PDIA2: variants seen among roughly 807,000 people sequenced by gnomAD.
PDIA2 encodes the protein protein disulfide-isomerase A2.
In PDIA2, 76 loss-of-function variants were observed where a neutral mutation model predicts 51.1. The observed-to-expected ratio is 1.49, with a 90% confidence interval of 1.24 to 1.80. The LOEUF is 1.80. Among genes scored for constraint, PDIA2 ranks in the 40% most tolerant of loss-of-function variants. The probability of loss-of-function intolerance (pLI) is 0.00; values close to 1 mark genes in which losing one functional copy is unlikely to be tolerated. For missense variants in PDIA2, 946 were observed against 706.5 expected (o/e 1.34, Z -3.84); for synonymous variants, 429 against 309.9 (o/e 1.38, Z -4.04).
Position 284,884 on chromosome 16 carries a change from C to G in PDIA2, c.547C>G (p.Gln183Glu). The change falls in exon 4 of 11, where the codon CAG becomes GAG. Residue 183 changes from glutamine (Q) to glutamate (E), a missense_variant. By Grantham distance (29) the Gln-to-Glu change is conservative. Transcript: ENST00000219406. ...LVVIGFFQDL[Q>E]DEDVATFLAL... ...ACAGGGCCAGGCCCCTCAGGACCTG[C>G]AGGACGAGGACGTGGCCACCTTCTT... The G allele has an allele frequency of 6.2e-7, 1 of 1,612,482 alleles. No homozygotes were observed. Among genetic ancestry groups the G allele is most frequent in the South Asian group, 1.1e-5 (1 of 91,060 alleles).
rs771532613 is a variant in PDIA2, at chr16:284,518, G to T, written c.331G>T (p.Glu111Ter). 6.8e-6 allele frequency: 11 copies of T among 1,612,406 alleles called. No homozygotes were observed. In the South Asian group the frequency reaches 8.8e-5, roughly 13 times the overall value. ...GCCCGCGCAGCGCGAGCTGGCTGAG[G>T]AGTTTGGTGTGACGGAGTACCCTAC... The part of the protein sequence containing the change: ...DGPAQRELAE[E>*]FGVTEYPTLK... Residue 111 changes from glutamate to a stop codon, truncating the protein, a stop_gained, in exon 2 of 11, where the codon GAG becomes TAG. Transcript: ENST00000219406. LOFTEE classifies it high-confidence loss of function.
Position 287,124 on chromosome 16 carries a change from G to A in PDIA2, c.*11G>A, listed in dbSNP as rs560575241. 18 of 1,612,734 alleles carry A rather than the reference G, an allele frequency of 1.1e-5. No individual in the cohort carries two copies. The African/African-American group carries it at 1.2e-4, about 11-fold the overall frequency. Reference sequence around the variant, plus strand: ...AAGGAGGAACTGTAGCTGCCCCCGTGTCACCCCCGCCATCACTGCTGGACA... The same window carrying A: ...AAGGAGGAACTGTAGCTGCCCCCGTATCACCCCCGCCATCACTGCTGGACA... On this transcript the variant is annotated 3_prime_UTR_variant, in exon 11 of 11. Transcript: ENST00000219406.
At position 284,950 on chromosome 16, in the gene PDIA2, A is replaced by C; in HGVS notation, c.613A>C (p.Thr205Pro). The C allele has an allele frequency of 6.2e-7, 1 of 1,613,364 alleles. No individual in the cohort carries two copies. Among genetic ancestry groups the C allele is most frequent in the South Asian group, 1.1e-5 (1 of 91,090 alleles). Residue 205 changes from threonine to proline, a missense_variant, in exon 4 of 11, where the codon ACA (threonine) becomes CCA (proline). Transcript: ENST00000219406. ...CGCCCTGGACATGACCTTTGGCCTC[A>C]CAGACCGGCCGCGGCTCTTTCAGCA... The part of the protein sequence containing the change: ...QDALDMTFGL[T>P]DRPRLFQQFG...
In PDIA2 at chr16:284,769, C is replaced by G; in HGVS notation, c.517C>G (p.Leu173Val). 6.4e-7 allele frequency: 1 copy of G among 1,567,878 alleles called. No homozygotes were observed. Among genetic ancestry groups the G allele is most frequent in the South Asian group, 1.2e-5 (1 of 84,574 alleles). ...AAQALIGGRD[L>V]VVIGFFQDLQ... ...CCAGGCGCTGATCGGTGGCCGGGAC[C>G]TAGTGGTCATTGGCTTCTTCCAGGT... The change falls in exon 3 of 11, where the codon CTA (leucine) becomes GTA (valine). Residue 173 changes from leucine to valine, a missense_variant. Leu to Val is a conservative substitution (Grantham distance 32, BLOSUM62 1). Transcript: ENST00000219406.
chr16:284,616 GGGGGGC>G (rs1567249564), intron 2 of PDIA2, 23 bp downstream of exon 2: 5 of 1,607,492 alleles, frequency 3.1e-6, no homozygotes, highest in Non-Finnish European at 4.2e-6. Flanking sequence ...CCGGTCATTG[GGGGGGC>G]GGTGGCCAGG....
At position 286,819 on chromosome 16, in the gene PDIA2, C is replaced by A. The variant is rs373443937; in HGVS notation, c.1423-16C>A. 1 of 1,611,146 alleles carries A rather than the reference C, an allele frequency of 6.2e-7. No individual in the cohort carries two copies. Among genetic ancestry groups the A allele is most frequent in the Non-Finnish European group, 8.5e-7 (1 of 1,179,256 alleles). On this transcript the variant is annotated splice_polypyrimidine_tract_variant and intron_variant, in intron 9 of 10. Coordinates refer to ENST00000219406, the MANE Select transcript of PDIA2 (RefSeq NM_006849.4). ...TGGGCCCCACGTGTCCTCCAGATCCCCCTGCCTCTTCTCAGGTGATTGAAT... is the reference window on the plus strand; with the variant it reads ...TGGGCCCCACGTGTCCTCCAGATCCACCTGCCTCTTCTCAGGTGATTGAAT...
rs775320510 is a variant in PDIA2 at position 286,336 on chromosome 16, G to A, written c.1120-17G>A. Reference sequence around the variant, plus strand: ...GCAGAGGACCCCTGGCAAAGCGCCTGTCCTGGTTTCCCCCAGCCCTATCTC... The same window carrying A: ...GCAGAGGACCCCTGGCAAAGCGCCTATCCTGGTTTCCCCCAGCCCTATCTC... On this transcript the variant is annotated splice_polypyrimidine_tract_variant and intron_variant, in intron 7 of 10. Coordinates refer to ENST00000219406, the MANE Select transcript of PDIA2 (RefSeq NM_006849.4). 1.9e-6 allele frequency: 3 copies of A among 1,596,098 alleles called. No individual in the cohort carries two copies. The highest frequency in any genetic ancestry group is 1.4e-5 in the African/African-American group (1 of 69,396).
Position 284,488 on chromosome 16 carries a change from G to GTGA in PDIA2, c.301_302insTGA (p.Asp101delinsValAsn), listed in dbSNP as rs2052326640. 1.9e-6 allele frequency: 3 copies of GTGA among 1,609,420 alleles called. No homozygotes were observed. The highest frequency in any genetic ancestry group is 3.4e-5 in the Admixed American group (2 of 59,420). ...AATGGTGGTCACGCTGGCCAAGGTG[G>GTGA]ATGGGCCCGCGCAGCGCGAGCTGGC... is the stretch of plus-strand genomic sequence containing the variant. On this transcript the variant is annotated protein_altering_variant, in exon 2 of 11. Transcript: ENST00000219406.
chr16:287,171 A>G lies in PDIA2; in HGVS notation c.*58A>G, dbSNP rs1596952326. On this transcript the variant is annotated 3_prime_UTR_variant, in exon 11 of 11. Coordinates refer to ENST00000219406, the MANE Select transcript of PDIA2 (RefSeq NM_006849.4). ...GACAGGAGCCACCCCCTTGGGTACC[A>G]GAGGGAGCTGTGCATTGTGAATAAA... is the stretch of plus-strand genomic sequence containing the variant. The G allele has an allele frequency of 6.3e-7, 1 of 1,599,384 alleles. No individual in the cohort carries two copies. The highest frequency in any genetic ancestry group is 8.6e-7 in the Non-Finnish European group (1 of 1,168,458).
In PDIA2 at chr16:287,095, G is replaced by C. The variant is rs770901986; in HGVS notation, c.1560G>C (p.Gly520=). 6.2e-7 allele frequency: 1 copy of C among 1,612,824 alleles called. No individual in the cohort carries two copies. Among genetic ancestry groups the C allele is most frequent in the Non-Finnish European group, 8.5e-7 (1 of 1,179,970 alleles). ...AGCCACCGGCCAACTCCACTATGGG[G>C]TCCAAGGAGGAACTGTAGCTGCCCC... is the stretch of plus-strand genomic sequence containing the variant. ...FPEPPANSTM[G]SKEEL The change falls in exon 11 of 11, where the codon GGG becomes GGC. Residue 520 remains glycine, a synonymous_variant. Transcript: ENST00000219406.
chr16:285,495 C>A lies in PDIA2; in HGVS notation c.922-11C>A, dbSNP rs2141449152. 1.2e-6 allele frequency: 2 copies of A among 1,612,674 alleles called. 1 individual carries two copies. The highest frequency in any genetic ancestry group is 2.2e-5 in the South Asian group (2 of 91,064). On this transcript the variant is annotated splice_polypyrimidine_tract_variant and intron_variant, in intron 6 of 10. Transcript: ENST00000219406. ...AGAGTGGCCGGTGCCAGCATGGACT[C>A]CCTGCCACAGGTGCTGTTCGTGGTG...
chr16:286,792 G>A (rs1288689391), intron 9 of PDIA2, 43 bp from the exon 10 acceptor site: 1 of 1,611,840 alleles, frequency 6.2e-7, no homozygotes, highest in East Asian at 2.2e-5. Context: ...TGGGCATGGG[G>A]CTGGGCCCCA....
rs1426497113 is a variant in PDIA2 at position 285,318 on chromosome 16, G to C, written c.802G>C (p.Ala268Pro). The change falls in exon 6 of 11, where the codon GCC becomes CCC. Residue 268 changes from alanine to proline, a missense_variant. Ala to Pro is a conservative substitution (Grantham distance 27). Coordinates refer to ENST00000219406, the MANE Select transcript of PDIA2 (RefSeq NM_006849.4). ...LVTEFNSQTSAKIFAARILNH... is the reference protein window; with the variant it reads ...LVTEFNSQTSPKIFAARILNH... ...AGCACCCTCCCTACTGTAGACGTCTGCCAAGATCTTCGCGGCCAGGATCCT... is the reference window on the plus strand; with the variant it reads ...AGCACCCTCCCTACTGTAGACGTCTCCCAAGATCTTCGCGGCCAGGATCCT... 6.2e-7 allele frequency: 1 copy of C among 1,612,802 alleles called. No individual in the cohort carries two copies. The highest frequency in any genetic ancestry group is 8.5e-7 in the Non-Finnish European group (1 of 1,179,890).
chr16:285,221 G>C (rs2052338415), intron 5 of PDIA2, 21 bp downstream of exon 5: 9 of 1,612,782 alleles, frequency 5.6e-6, no homozygotes, highest in Non-Finnish European at 7.6e-6. Flanking sequence ...TGCAGTGCCT[G>C]GGCTGGGGGT....
chr16:284,259 C>T (rs978227624), intron 1 of PDIA2, 128 bp from the exon 2 acceptor site: 12 of 961,512 alleles, frequency 1.2e-5, no homozygotes, highest in East Asian at 7.9e-5. Context: ...CACTGGTGCT[C>T]GGCTTGTCCA....
chr16:284,689 G>A lies in PDIA2; in HGVS notation c.437G>A (p.Trp146Ter), dbSNP rs1473959162. 6.3e-7 allele frequency: 1 copy of A among 1,585,972 alleles called. No individual in the cohort carries two copies. The highest frequency in any genetic ancestry group is 2.3e-5 in the East Asian group (1 of 44,320). ...GPRDAEGIAE[W>*]LRRRVGPSAM... ...CGGGACGCTGAGGGCATTGCCGAGT[G>A]GCTGCGACGGCGGGTGGGGCCCAGT... is the stretch of plus-strand genomic sequence containing the variant. The change falls in exon 3 of 11, where the codon TGG (tryptophan) becomes TAG (stop). Residue 146 changes from tryptophan to a stop codon, truncating the protein, a stop_gained. Coordinates refer to ENST00000219406, the MANE Select transcript of PDIA2 (RefSeq NM_006849.4). LOFTEE classifies it high-confidence loss of function.
At chr16:283,402 CG>C (rs1555470517) in intron 1 of PDIA2, 34 bp downstream of exon 1, 1 of 1,531,712 alleles carries the variant, frequency 6.5e-7, no homozygotes. Context: ...TGGGGACCGG[CG>C]GGGGACCGGC....
rs752750026 is a variant in PDIA2, at chr16:283,292, G to C, written c.123G>C (p.Glu41Asp). The change falls in exon 1 of 11, where the codon GAG (glutamate) becomes GAC (aspartate). Residue 41 changes from glutamate (E) to aspartate (D), a missense_variant. By Grantham distance (45) the Glu-to-Asp change is conservative. Transcript: ENST00000219406. The part of the protein sequence containing the change: ...EEPPEEEIPK[E>D]DGILVLSRHT... ...CTCCAGAGGAGGAAATCCCCAAGGA[G>C]GATGGGATCTTGGTGCTGAGCCGCC... The C allele has an allele frequency of 2.4e-5, 38 of 1,610,502 alleles. No individual in the cohort carries two copies. The highest frequency in any genetic ancestry group is 2.2e-4 in the East Asian group (10 of 44,722).
At chr16:284,174 GGA>G in intron 1 of PDIA2, 3 of 605,250 alleles carry the variant, frequency 5.0e-6, no homozygotes, top group Middle Eastern at 4.4e-4. Context: ...GGCTGTGGGG[GGA>G]GGGGGGGTGG....
Sources: allele counts gnomAD v4.1 joint callset, GRCh38; gene constraint gnomAD v4.1.1; transcripts MANE v1.5; gene names NCBI Gene and HGNC (gene_info 2026-07-23, HGNC 2026-07-21).